FNBP4: variants seen among roughly 807,000 people sequenced by gnomAD.
FNBP4 encodes the protein formin-binding protein 4.
A neutral mutation model predicts 119.3 loss-of-function variants in FNBP4; 34 were observed. The observed-to-expected ratio is 0.28, with a 90% CI of 0.22 to 0.38. The LOEUF is 0.38. FNBP4 is among the 10% of genes least tolerant of loss of function. FNBP4 has a pLI of 1.00. For synonymous variants in FNBP4, 462 were observed against 430.6 expected (o/e 1.07, Z -0.90); for missense variants, 1,112 against 1,228.9 (o/e 0.90, Z 1.42).
chr11:47,733,872 G>A (rs1283026221), intron 10 of FNBP4, among the ~76,000 whole-genome samples, 153 bp downstream of exon 10: 2 of 151,972 alleles, frequency 1.3e-5, no homozygotes, highest in African/African-American at 2.4e-5. Flanking sequence ...GGTTAACACA[G>A]TTTTATTTCC....
chr11:47,731,280 T>C, intron 12 of FNBP4, 94 bp downstream of exon 12: 1 of 1,222,896 alleles, frequency 8.2e-7, no homozygotes, highest in Non-Finnish European at 1.1e-6. Context: ...GAAGCTTATA[T>C]TATTATGACA....
At chr11:47,762,138 G>A (rs913274725) in intron 2 of FNBP4, among the ~76,000 whole-genome samples, 1 of 138,140 alleles carries the variant, frequency 7.2e-6, no homozygotes, top group Non-Finnish European at 1.6e-5. Context: ...GCGTCTGGCT[G>A]TTTTTTTTTT....
At position 47,724,099 on chromosome 11, in the gene FNBP4, G is replaced by C; in HGVS notation, c.2393C>G (p.Thr798Ser). ...GIKRKATEIS[T>S]AVVQRSATIG... is the part of the protein sequence containing the mutation. ...GGTAGCTGACCTCTGAACCACTGCA[G>C]TGCTAATTTCTGTAGCTTTCCTCTT... Residue 798 changes from threonine to serine, a missense_variant, in exon 14 of 17, where the codon ACT becomes AGT. By Grantham distance (58) the Thr-to-Ser change is moderately conservative. This residue lies in a region of FNBP4 where 826 missense variants were observed against 988.8 expected (regional missense o/e 0.84). Coordinates refer to ENST00000263773, the MANE Select transcript of FNBP4 (RefSeq NM_015308.5). The C allele has an allele frequency of 8.1e-6, 13 of 1,614,208 alleles. No individual in the cohort carries two copies. The highest frequency in any genetic ancestry group is 1.1e-5 in the Non-Finnish European group (13 of 1,180,014).
At chr11:47,756,392 C>T (rs2135256006) in intron 2 of FNBP4, among the ~76,000 whole-genome samples, 1 of 152,296 alleles carries the variant, frequency 6.6e-6, no homozygotes, top group South Asian at 2.1e-4. Flanking sequence ...AAAGTTAAAT[C>T]TAGTTTTGTG....
chr11:47,766,788 T>C (rs1181215157), intron 1 of FNBP4, among the ~76,000 whole-genome samples: 1 of 152,214 alleles, frequency 6.6e-6, no homozygotes, highest in Non-Finnish European at 1.5e-5. Context: ...CCGGGGCGTT[T>C]GGGAGACTCA....
At chr11:47,723,879 GTTTTTT>G (rs78450562) in intron 14 of FNBP4, 143 bp downstream of exon 14, 6 of 559,658 alleles carry the variant, frequency 1.1e-5, no homozygotes, top group African/African-American at 2.1e-5. Context: ...ACTGTCAAAA[GTTTTTT>G]TTTTTTTTTT....
In FNBP4 at chr11:47,732,190, G is replaced by A. The variant is rs2097568224; in HGVS notation, c.1820+347C>T. ...CGAAGTTTTCCTTAACTTCACCGAG[G>A]TTAATCAGGAGTAGTTGCTTCCAGA... On this transcript the variant is annotated intron_variant, in intron 11 of 16. Coordinates refer to ENST00000263773, the MANE Select transcript of FNBP4 (RefSeq NM_015308.5). This position sits in a 1 kb window ranked among gnomAD's most constrained non-coding sequence, Gnocchi z 4.2. The A allele has an allele frequency of 7.7e-6, 8 of 1,041,880 alleles. No homozygotes were observed. The highest frequency in any genetic ancestry group is 9.2e-6 in the Non-Finnish European group (8 of 866,968). 64.5% of individuals were successfully genotyped at this position (1,041,880 alleles called of 1,614,324 possible).
chr11:47,736,502 G>C (rs1463156783), intron 9 of FNBP4, 114 bp downstream of exon 9: 1 of 788,160 alleles, frequency 1.3e-6, no homozygotes, highest in East Asian at 3.1e-5. Flanking sequence ...AGAGGTTGCA[G>C]TGAGCTGAGA....
Position 47,724,511 on chromosome 11 carries a change from G to C in FNBP4, c.2276C>G (p.Thr759Ser), listed in dbSNP as rs187149878. 6.2e-6 allele frequency: 10 copies of C among 1,614,178 alleles called. No homozygotes were observed. The Admixed American group carries it at 8.3e-5, about 13-fold the overall frequency. ...GGTTTGTGCTGAAGGTTTCAAAGGG[G>C]TATCTTCCTCTGTTCCTGGGGCAGG... The part of the protein sequence containing the change: ...EPPAPGTEED[T>S]PLKPSAQTTV... Residue 759 changes from threonine to serine, a missense_variant, in exon 13 of 17, where the codon ACC becomes AGC. This residue lies in a region of FNBP4 where 826 missense variants were observed against 988.8 expected (regional missense o/e 0.84). Transcript: ENST00000263773.
At chr11:47,760,310 G>A (rs1023609181) in intron 2 of FNBP4, among the ~76,000 whole-genome samples, 7 of 147,984 alleles carry the variant, frequency 4.7e-5, no homozygotes, top group African/African-American at 1.7e-4. Flanking sequence ...CACCCAGGGT[G>A]AAATGTAATC....
rs2097567207 is a variant in FNBP4, at chr11:47,731,373, C to T, written c.2008+1G>A. 2 of 1,607,708 alleles carry T rather than the reference C, an allele frequency of 1.2e-6. No individual in the cohort carries two copies. Among genetic ancestry groups the T allele is most frequent in the African/African-American group, 1.3e-5 (1 of 74,434 alleles). ...AATTAGTACAAGGTAAATTGTCTCA[C>T]CTGTGGAAGTTTCAGAGGATTCTGT... On this transcript the variant is annotated splice_donor_variant, in intron 12 of 16. Transcript: ENST00000263773. LOFTEE classifies it high-confidence loss of function.
intron 13 of FNBP4, 107 bp downstream of exon 13, chr11:47,724,361 G>A (rs1376293944): frequency 3.2e-6 from 5 of 1,574,102 alleles, no homozygotes; most frequent in East Asian, 2.2e-5. Flanking sequence ...GGATATAGGC[G>A]TGAGCCACCG....
intron 12 of FNBP4, among the ~76,000 whole-genome samples, chr11:47,728,821 A>C (rs2135094549): frequency 6.9e-6 from 1 of 144,488 alleles, no homozygotes; most frequent in East Asian, 2.1e-4. Context: ...GAGTCACTGC[A>C]CCTAAGAACC....
rs370802902 is a variant in FNBP4, at chr11:47,731,365, T to C, written c.2008+9A>G. The C allele has an allele frequency of 5.6e-6, 9 of 1,598,282 alleles. No homozygotes were observed. The African/African-American group carries it at 9.5e-5, about 17-fold the overall frequency. ...TTTGGCTGAATTAGTACAAGGTAAA[T>C]TGTCTCACCTGTGGAAGTTTCAGAG... On this transcript the variant is annotated intron_variant, in intron 12 of 16. Transcript: ENST00000263773.
Position 47,767,320 on chromosome 11 carries a change from G to A in FNBP4, c.-32C>T, listed in dbSNP as rs779941326. 1.2e-5 allele frequency: 17 copies of A among 1,451,222 alleles called. No individual in the cohort carries two copies. Among genetic ancestry groups the A allele is most frequent in the African/African-American group, 4.4e-5 (3 of 68,280 alleles). The allele number at this position is 1,451,222 out of a possible 1,614,324, so 89.9% of individuals were successfully genotyped here. On this transcript the variant is annotated 5_prime_UTR_variant, in exon 1 of 17. Coordinates refer to ENST00000263773, the MANE Select transcript of FNBP4 (RefSeq NM_015308.5). ...CCCAAGCGCGAGCAGAGAGCGTCGG[G>A]CGGCCGAGAGGGGCGGGCACTGGAG...
chr11:47,743,462 G>A (rs989383169), intron 8 of FNBP4, among the ~76,000 whole-genome samples: 2 of 152,034 alleles, frequency 1.3e-5, no homozygotes, highest in Admixed American at 1.3e-4. Flanking sequence ...CAGCCTGGGT[G>A]ACAGAGTGAG....
chr11:47,717,697 C>T (rs2135053856), intron 16 of FNBP4, among the ~76,000 whole-genome samples, 185 bp from the exon 17 acceptor site: 1 of 152,274 alleles, frequency 6.6e-6, no homozygotes, highest in East Asian at 1.9e-4. Flanking sequence ...TCTGATAGGT[C>T]AACCAAACAC....
At chr11:47,762,118 G>A (rs2097636328) in intron 2 of FNBP4, among the ~76,000 whole-genome samples, 1 of 148,910 alleles carries the variant, frequency 6.7e-6, no homozygotes, top group African/African-American at 2.5e-5. Context: ...GATTAGAGGC[G>A]TGAGGCACAG....
intron 10 of FNBP4, among the ~76,000 whole-genome samples, chr11:47,733,543 C>A (rs1456547138): frequency 6.6e-6 from 1 of 152,106 alleles, no homozygotes; most frequent in Admixed American, 6.6e-5. Context: ...CCATGTTGGT[C>A]AGGCTGGTCT....
Sources: allele counts gnomAD v4.1 joint callset (sites outside exome capture counted in the v4.1 genomes callset), GRCh38; gene constraint gnomAD v4.1.1; regional missense constraint gnomAD v4.1.1; non-coding constraint Gnocchi (gnomAD v3.1); transcripts MANE v1.5; gene names NCBI Gene and HGNC (gene_info 2026-07-23, HGNC 2026-07-21).